Variants in CFAP43 observed in about 807,000 individuals in gnomAD.
CFAP43 encodes cilia and flagella associated protein 43.
Under a neutral mutation model 218.9 loss-of-function variants are expected in CFAP43, and 155 were observed. That is an observed-to-expected ratio of 0.71 (90% CI 0.62 to 0.81). CFAP43 has a LOEUF of 0.81. CFAP43 is among the 30% of genes least tolerant of loss of function. The pLI is 0.00. For missense variants in CFAP43, 1,778 were observed against 1,954.3 expected (o/e 0.91, Z 1.70); for synonymous variants, 645 against 681.3 (o/e 0.95, Z 0.83).
At position 104,193,943 on chromosome 10, in the gene CFAP43, G is replaced by A. The variant is rs2090309652; in HGVS notation, c.1365C>T (p.Phe455=). The A allele has an allele frequency of 1.2e-6, 2 of 1,614,128 alleles. No homozygotes were observed. Among genetic ancestry groups the A allele is most frequent in the Non-Finnish European group, 8.5e-7 (1 of 1,180,032 alleles). ...AVGTEDGSVY[F]ISVYDKESPQ... Reference sequence around the variant, plus strand: ...GGGATTCCTTATCATATACGCTGATGAAGTAGACCGAGCCATCCTCCGTGC... The same window carrying A: ...GGGATTCCTTATCATATACGCTGATAAAGTAGACCGAGCCATCCTCCGTGC... Residue 455 remains phenylalanine, a synonymous_variant, in exon 11 of 38, where the codon TTC becomes TTT. Transcript: ENST00000357060.
intron 8 of CFAP43, among the ~76,000 whole-genome samples, chr10:104,201,694 G>A (rs1391046524): frequency 7.5e-6 from 1 of 133,356 alleles, no homozygotes; most frequent in Non-Finnish European, 1.6e-5. Flanking sequence ...TTTTTTTTTT[G>A]CTGTTGTATG....
intron 2 of CFAP43, among the ~76,000 whole-genome samples, chr10:104,226,827 T>C (rs2091315496): frequency 6.6e-6 from 1 of 152,162 alleles, no homozygotes. Flanking sequence ...GAGAGCAGCC[T>C]GGCCAACATG....
chr10:104,152,500 A>G, intron 28 of CFAP43, 107 bp downstream of exon 28: 1 of 1,488,880 alleles, frequency 6.7e-7, no homozygotes, highest in East Asian at 2.3e-5. Context: ...CAGGGCCCAG[A>G]GCATACAAGA....
rs1386714195 is a variant in CFAP43 at position 104,188,340 on chromosome 10, C to A, written c.1617G>T (p.Val539=). The A allele has an allele frequency of 6.2e-7, 1 of 1,614,158 alleles. No homozygotes were observed. ...TCCCTGCTTCTGGAAGCGAGGAAAGCACCATCACTTCCACTATGTCTGTTT... is the reference window on the plus strand; with the variant it reads ...TCCCTGCTTCTGGAAGCGAGGAAAGAACCATCACTTCCACTATGTCTGTTT... ...LLETDIVEVM[V]LSSLPEAGRS... The change falls in exon 13 of 38, where the codon GTG becomes GTT. Residue 539 remains valine, a synonymous_variant. Transcript: ENST00000357060.
chr10:104,211,732 A>T (rs1396905937), intron 5 of CFAP43, among the ~76,000 whole-genome samples: 2 of 152,112 alleles, frequency 1.3e-5, no homozygotes, highest in African/African-American at 2.4e-5. Flanking sequence ...ATCTCCACCT[A>T]GGTGTCTTCC....
intron 34 of CFAP43, among the ~76,000 whole-genome samples, chr10:104,138,982 G>A (rs558559621): frequency 5.3e-4 from 80 of 152,294 alleles, no homozygotes; most frequent in African/African-American, 1.5e-3. Context: ...GGGAATTTCA[G>A]CAGAGGGATG....
intron 12 of CFAP43, 99 bp downstream of exon 12, chr10:104,192,100 A>T: frequency 1.1e-6 from 1 of 892,018 alleles, no homozygotes; most frequent in Non-Finnish European, 1.7e-6. Context: ...ATATGCCACA[A>T]ATAATTGTTT....
At chr10:104,220,596 G>A (rs578205938) in intron 3 of CFAP43, among the ~76,000 whole-genome samples, 10 of 152,114 alleles carry the variant, frequency 6.6e-5, no homozygotes, top group South Asian at 2.1e-4. Context: ...ATGAAACTTG[G>A]AAAAAAGAAA....
intron 31 of CFAP43, 100 bp from the exon 32 acceptor site, chr10:104,143,739 C>A: frequency 8.7e-7 from 1 of 1,144,590 alleles, no homozygotes; most frequent in Non-Finnish European, 1.2e-6. Flanking sequence ...CATTGTATGG[C>A]TCTTCCCTTT....
At chr10:104,145,784 T>C (rs116725458) in intron 30 of CFAP43, among the ~76,000 whole-genome samples, 43 of 152,356 alleles carry the variant, frequency 2.8e-4, no homozygotes, top group African/African-American at 1.0e-3. Context: ...TTATTTCATA[T>C]AACAGGTCTT....
At chr10:104,137,625 T>C (rs976870499) in intron 34 of CFAP43, among the ~76,000 whole-genome samples, 1 of 152,068 alleles carries the variant, frequency 6.6e-6, no homozygotes, top group Non-Finnish European at 1.5e-5. Flanking sequence ...CTGGGCAACA[T>C]GGTGAAACCC....
At chr10:104,164,063 G>A (rs2089019987) in intron 24 of CFAP43, 31 bp downstream of exon 24, 15 of 1,606,182 alleles carry the variant, frequency 9.3e-6, no homozygotes, top group Non-Finnish European at 1.2e-5. Flanking sequence ...TCCTGAGAAA[G>A]AAGGGAAAGG....
intron 8 of CFAP43, among the ~76,000 whole-genome samples, chr10:104,202,428 C>T (rs1327561320): frequency 1.3e-5 from 2 of 152,172 alleles, no homozygotes; most frequent in African/African-American, 4.8e-5. Context: ...TGTCTTTAAG[C>T]AATTCTGGGA....
At chr10:104,137,101 A>G (rs1019185053) in intron 34 of CFAP43, among the ~76,000 whole-genome samples, 3 of 152,218 alleles carry the variant, frequency 2.0e-5, no homozygotes, top group African/African-American at 7.2e-5. Flanking sequence ...TGACCATACG[A>G]TCCAGCAATT....
chr10:104,169,938 G>A (rs1168675293), intron 20 of CFAP43, among the ~76,000 whole-genome samples: 3 of 152,054 alleles, frequency 2.0e-5, no homozygotes, highest in African/African-American at 7.2e-5. Flanking sequence ...CTAATAATGT[G>A]TCCAGATTGT....
chr10:104,136,464 G>A (rs561244036), intron 34 of CFAP43, among the ~76,000 whole-genome samples: 3 of 151,662 alleles, frequency 2.0e-5, no homozygotes, highest in East Asian at 2.0e-4. Flanking sequence ...TCCGCCTCCC[G>A]AGTTCAAGTG....
chr10:104,179,995 C>G (rs912372909), intron 17 of CFAP43, 63 bp from the exon 18 acceptor site: 2 of 1,269,372 alleles, frequency 1.6e-6, no homozygotes, highest in African/African-American at 1.5e-5. Context: ...TTTTTCCCCT[C>G]CCACCCTACC....
intron 2 of CFAP43, among the ~76,000 whole-genome samples, chr10:104,229,842 CT>C (rs2091403144): frequency 6.6e-6 from 1 of 152,034 alleles, no homozygotes. Context: ...AGAGACTTGA[CT>C]TTAGAAGCTA....
chr10:104,146,805 A>T (rs1030624266), intron 29 of CFAP43, among the ~76,000 whole-genome samples: 2 of 152,182 alleles, frequency 1.3e-5, no homozygotes, highest in Non-Finnish European at 2.9e-5. Context: ...GGGCTTGATC[A>T]TTACCACCAG....
Sources: gnomAD v4.1 joint callset for allele counts (sites outside exome capture counted in the v4.1 genomes callset) on GRCh38, gnomAD v4.1.1 for gene constraint, MANE v1.5 for transcripts, NCBI Gene and HGNC (gene_info 2026-07-23, HGNC 2026-07-21) for gene names.